CD163L1: variants seen among roughly 807,000 people sequenced by gnomAD.
CD163L1 encodes CD163 molecule like 1, also known as scavenger receptor cysteine-rich type 1 protein M160.
In CD163L1, 124 loss-of-function variants were observed where a neutral mutation model predicts 165.4. The ratio of observed to expected loss-of-function variants is 0.75; its 90% CI spans 0.65 to 0.87. The LOEUF is 0.87. Among genes scored for constraint, CD163L1 ranks in the 40% least tolerant of loss-of-function variants. CD163L1 has a pLI of 0.00. For missense variants in CD163L1, 1,525 were observed against 1,799.9 expected (o/e 0.85, Z 2.76); for synonymous variants, 585 against 662.2 (o/e 0.88, Z 1.79).
intron 4 of CD163L1, among the ~76,000 whole-genome samples, chr12:7,426,315 G>A (rs1948541923): frequency 1.3e-5 from 2 of 151,994 alleles, no homozygotes; most frequent in Admixed American, 6.6e-5. Context: ...AGGGGAGGGA[G>A]AGCATTAGGA....
chr12:7,416,379 C>A (rs1948240978), intron 4 of CD163L1, among the ~76,000 whole-genome samples: 1 of 152,156 alleles, frequency 6.6e-6, no homozygotes. Flanking sequence ...ACTATTCACT[C>A]TGATGATAGT....
chr12:7,418,011 A>C (rs1371601357), intron 4 of CD163L1, among the ~76,000 whole-genome samples: 1 of 152,042 alleles, frequency 6.6e-6, no homozygotes, highest in African/African-American at 2.4e-5. Flanking sequence ...TAAAAATGGC[A>C]AATAAGAGGC....
intron 4 of CD163L1, among the ~76,000 whole-genome samples, chr12:7,421,186 T>G (rs548640100): frequency 9.6e-5 from 13 of 135,682 alleles, no homozygotes; most frequent in Admixed American, 2.3e-4. Flanking sequence ...TATATATATG[T>G]GTATATATGT....
intron 4 of CD163L1, among the ~76,000 whole-genome samples, chr12:7,422,492 TGAGC>T (rs1948457508): frequency 6.6e-6 from 1 of 151,884 alleles, no homozygotes; most frequent in East Asian, 1.9e-4. Flanking sequence ...GAAACTCCTC[TGAGC>T]TAAAGGAACA....
At chr12:7,436,603 C>T (rs910683146) in intron 2 of CD163L1, among the ~76,000 whole-genome samples, 4 of 152,000 alleles carry the variant, frequency 2.6e-5, no homozygotes, top group African/African-American at 9.7e-5. Flanking sequence ...GAGACCCTAC[C>T]TGTAAAAAAT....
intron 2 of CD163L1, among the ~76,000 whole-genome samples, chr12:7,435,215 A>G (rs1400113356): frequency 2.0e-5 from 3 of 151,494 alleles, no homozygotes; most frequent in Admixed American, 6.7e-5. Flanking sequence ...AGACATACCA[A>G]ATTTCTACCA....
At chr12:7,327,117 TAA>T in the CD163L1 span, 8 of 1,577,420 alleles carry the variant, frequency 5.1e-6, no homozygotes, top group Non-Finnish European at 6.9e-6. Context: ...GCCCAAAAGT[TAA>T]GTTTGGATGT....
intron 8 of CD163L1, among the ~76,000 whole-genome samples, chr12:7,383,745 T>C (rs1019008981): frequency 3.3e-5 from 5 of 152,192 alleles, no homozygotes; most frequent in African/African-American, 9.7e-5. Flanking sequence ...GATTACACTA[T>C]AGCATGCACC....
the CD163L1 span, chr12:7,324,203 C>T: frequency 1.3e-6 from 2 of 1,559,512 alleles, no homozygotes; most frequent in Middle Eastern, 2.3e-4. Flanking sequence ...ATGTACTAGT[C>T]ACTTAATGAG....
At chr12:7,386,075 T>C (rs1016181706) in intron 8 of CD163L1, among the ~76,000 whole-genome samples, 2 of 151,844 alleles carry the variant, frequency 1.3e-5, no homozygotes, top group African/African-American at 2.4e-5. Context: ...TTTGAAAAGA[T>C]CAAACTTTTG....
intron 4 of CD163L1, among the ~76,000 whole-genome samples, chr12:7,421,029 A>ATATATACGTGTATATATATG (rs1234335909): frequency 9.5e-6 from 1 of 105,346 alleles, no homozygotes; most frequent in Non-Finnish European, 1.7e-5. Flanking sequence ...ATATACATAT[A>ATATATACGTGTATATATATG]TATATACGTG....
rs1947171600 is a variant in CD163L1, at chr12:7,372,779, G to C, written c.3730+541C>G. 1.3e-5 allele frequency among the ~76,000 whole-genome samples: 2 copies of C among 151,850 alleles called. No homozygotes were observed. Among genetic ancestry groups the C allele is most frequent in the South Asian group, 2.1e-4 (1 of 4,806 alleles). On this transcript the variant is annotated intron_variant, in intron 14 of 19. Coordinates refer to ENST00000313599, the MANE Select transcript of CD163L1 (RefSeq NM_174941.6). This position sits in a 1 kb window ranked among gnomAD's most constrained non-coding sequence, Gnocchi z 4.2. ...TAGTAATGGTTATTTTTGATAATCA[G>C]ATTAAACGTGGAATGCATTTTATTA...
chr12:7,331,165 C>T, the CD163L1 span, among the ~76,000 whole-genome samples: 32,142 of 152,254 alleles, frequency 0.21, 3,907 homozygotes, highest in African/African-American at 0.33. Flanking sequence ...GAGGGTCCTA[C>T]GCCCACAGAG....
intron 4 of CD163L1, among the ~76,000 whole-genome samples, chr12:7,408,647 T>C (rs1948076298): frequency 6.6e-6 from 1 of 152,208 alleles, no homozygotes; most frequent in Admixed American, 6.5e-5. Context: ...TAGATGTTCT[T>C]TTCTTAATCT....
At chr12:7,412,124 A>G (rs767708880) in intron 4 of CD163L1, among the ~76,000 whole-genome samples, 2 of 152,238 alleles carry the variant, frequency 1.3e-5, no homozygotes, top group Non-Finnish European at 2.9e-5. Flanking sequence ...TTTCTATAGG[A>G]CATTCCTTTT....
downstream of CD163L1, among the ~76,000 whole-genome samples, chr12:7,353,013 A>C (rs1946717830): frequency 6.6e-6 from 1 of 152,152 alleles, no homozygotes; most frequent in Non-Finnish European, 1.5e-5. Flanking sequence ...TGAATAGAGA[A>C]AGACTTCAAA....
intron 8 of CD163L1, among the ~76,000 whole-genome samples, chr12:7,390,626 T>C (rs1397577643): frequency 1.3e-5 from 2 of 152,114 alleles, no homozygotes; most frequent in African/African-American, 4.8e-5. Context: ...TAACTCTACG[T>C]CTACCTACAT....
intron 2 of CD163L1, chr12:7,438,827 C>A (rs2136650135): frequency 6.4e-7 from 1 of 1,556,138 alleles, no homozygotes; most frequent in Non-Finnish European, 8.8e-7. Flanking sequence ...CCCGCTCAAC[C>A]TCCAGCCCTT....
chr12:7,421,430 TAC>T (rs1235808037), intron 4 of CD163L1, among the ~76,000 whole-genome samples: 1 of 120,956 alleles, frequency 8.3e-6, no homozygotes, highest in Non-Finnish European at 1.6e-5. Flanking sequence ...TACATATATG[TAC>T]ATATATACAT....
Sources: allele counts gnomAD v4.1 joint callset (sites outside exome capture counted in the v4.1 genomes callset), GRCh38; gene constraint gnomAD v4.1.1; non-coding constraint Gnocchi (gnomAD v3.1); transcripts MANE v1.5; gene names NCBI Gene and HGNC (gene_info 2026-07-23, HGNC 2026-07-21).